The following USP47 variants were observed in gnomAD, a reference collection of about 807,000 sequenced individuals.
USP47 encodes ubiquitin specific peptidase 47.
Under a neutral mutation model 165.1 loss-of-function variants are expected in USP47, and 35 were observed. The observed-to-expected ratio is 0.21, with a 90% CI of 0.16 to 0.28. USP47 has a LOEUF of 0.28. Among genes scored for constraint, USP47 ranks in the 10% least tolerant of loss-of-function variants. The pLI is 1.00. For synonymous variants in USP47, 531 were observed against 544.5 expected (o/e 0.98, Z 0.35); for missense variants, 1,277 against 1,607.4 (o/e 0.79, Z 3.52).
chr11:11,922,426 A>C (rs560879753), intron 10 of USP47, among the ~76,000 whole-genome samples: 1 of 152,080 alleles, frequency 6.6e-6, no homozygotes, highest in South Asian at 2.1e-4. Context: ...AAGAAATGAT[A>C]ATTTCAACCA....
chr11:11,877,805 CTGTGTGTGTGTGTGTGTGTGTGTGTGTG>C (rs10577564), intron 1 of USP47, among the ~76,000 whole-genome samples: 4 of 71,118 alleles, frequency 5.6e-5, no homozygotes, highest in Non-Finnish European at 8.9e-5. Context: ...CTCTCTCTCT[CTGTGTGTGTGTGTGTGTGTGTGTGTGTG>C]TGTGTGTGTG....
chr11:11,932,958 G>A, intron 14 of USP47, 46 bp from the exon 15 acceptor site: 2 of 1,446,644 alleles, frequency 1.4e-6, no homozygotes, highest in South Asian at 1.2e-5. Context: ...AATAAAGGCA[G>A]CTCAGTTTCA....
intron 3 of USP47, among the ~76,000 whole-genome samples, chr11:11,891,654 A>G (rs1359793593): frequency 6.6e-6 from 1 of 152,214 alleles, no homozygotes. Flanking sequence ...GTAGGAAACT[A>G]TCCATCTCAC....
intron 5 of USP47, among the ~76,000 whole-genome samples, chr11:11,900,353 G>C (rs201967978): frequency 6.6e-6 from 1 of 151,724 alleles, no homozygotes; most frequent in Non-Finnish European, 1.5e-5. Flanking sequence ...GTAGAGATGG[G>C]GTTTCACCGT....
chr11:11,944,019 G>A (rs1419518716), intron 20 of USP47, among the ~76,000 whole-genome samples: 1 of 151,632 alleles, frequency 6.6e-6, no homozygotes, highest in Non-Finnish European at 1.5e-5. Flanking sequence ...GCTCATAGAG[G>A]ATGAATGACT....
rs1479373989 is a variant in USP47, at chr11:11,961,834, T to A, written c.*5659T>A. Among the ~76,000 whole-genome samples the A allele has an allele frequency of 1.3e-5, 2 of 152,210 alleles. No individual in the cohort carries two copies. Among genetic ancestry groups the A allele is most frequent in the Non-Finnish European group, 2.9e-5 (2 of 68,032 alleles). ...GCCATGGCTTGGCAGGAACTCTGGC[T>A]TTGGGAGAGAGCAGCAGCAAGGTAT... On this transcript the variant is annotated 3_prime_UTR_variant, in exon 28 of 28. Transcript: ENST00000527733.
intron 8 of USP47, among the ~76,000 whole-genome samples, chr11:11,915,513 G>A (rs1213305152): frequency 6.6e-6 from 1 of 152,102 alleles, no homozygotes; most frequent in Non-Finnish European, 1.5e-5. Context: ...CACTAAAGCT[G>A]GGAAAATCTG....
intron 6 of USP47, 128 bp from the exon 7 acceptor site, chr11:11,903,135 T>C (rs1372878858): frequency 6.6e-6 from 6 of 909,142 alleles, no homozygotes; most frequent in Non-Finnish European, 9.7e-6. Flanking sequence ...TATATTCTTA[T>C]GTTCTTTTTT....
chr11:11,936,587 A>G (rs1472078826), intron 17 of USP47, 77 bp downstream of exon 17: 17 of 1,211,764 alleles, frequency 1.4e-5, no homozygotes, highest in Non-Finnish European at 1.9e-5. Flanking sequence ...TATTGTAGAA[A>G]TGAACATAAT....
intron 1 of USP47, among the ~76,000 whole-genome samples, chr11:11,844,171 T>C (rs982037663): frequency 3.0e-4 from 46 of 152,214 alleles, no homozygotes; most frequent in African/African-American, 1.1e-3. Context: ...TCTTTGACTT[T>C]TTTTTTCTTG....
intron 1 of USP47, among the ~76,000 whole-genome samples, chr11:11,848,760 C>T (rs979629902): frequency 2.8e-4 from 42 of 152,156 alleles, no homozygotes; most frequent in African/African-American, 1.0e-3. Context: ...CAGACGCGCG[C>T]CACCACACCT....
intron 14 of USP47, among the ~76,000 whole-genome samples, chr11:11,932,069 A>G (rs1400689562): frequency 2.0e-5 from 3 of 152,196 alleles, no homozygotes; most frequent in African/African-American, 7.2e-5. Context: ...AGGAAGCATG[A>G]TGCTAGCATC....
chr11:11,846,896 A>T (rs577981058), intron 1 of USP47, among the ~76,000 whole-genome samples: 1 of 152,060 alleles, frequency 6.6e-6, no homozygotes, highest in Non-Finnish European at 1.5e-5. Flanking sequence ...GCTTTTTCTT[A>T]AATTTCAGAT....
intron 5 of USP47, among the ~76,000 whole-genome samples, chr11:11,901,385 AAT>A (rs1852219607): frequency 6.6e-6 from 1 of 152,164 alleles, no homozygotes; most frequent in Non-Finnish European, 1.5e-5. Flanking sequence ...GTTGTTACTT[AAT>A]ATTTTGTCTT....
Position 11,842,099 on chromosome 11 carries a change from G to T in USP47, c.-87G>T. 6.7e-7 allele frequency: 1 copy of T among 1,486,652 alleles called. No homozygotes were observed. Among genetic ancestry groups the T allele is most frequent in the Non-Finnish European group, 9.1e-7 (1 of 1,098,080 alleles). The allele number at this position is 1,486,652 out of a possible 1,614,324, so 92.1% of individuals were successfully genotyped here. ...AGCGCAGGCGGCGGAGAGGATGACT[G>T]CCGCTGCCATTCTCTCTTGAGCTAG... On this transcript the variant is annotated 5_prime_UTR_variant, in exon 1 of 28. Coordinates refer to ENST00000527733, the MANE Select transcript of USP47 (RefSeq NM_001282659.2).
intron 8 of USP47, among the ~76,000 whole-genome samples, chr11:11,912,742 T>A (rs989887965): frequency 2.6e-5 from 4 of 152,072 alleles, no homozygotes; most frequent in Non-Finnish European, 5.9e-5. Flanking sequence ...ATCCCTTATA[T>A]GTGTAGTTGG....
intron 4 of USP47, among the ~76,000 whole-genome samples, chr11:11,897,360 G>A (rs978602685): frequency 1.3e-4 from 19 of 151,804 alleles, no homozygotes; most frequent in Non-Finnish European, 1.0e-4. Flanking sequence ...ATCTCCATGT[G>A]TACCTCTGGA....
intron 1 of USP47, among the ~76,000 whole-genome samples, chr11:11,877,466 T>G (rs72856360): frequency 0.14 from 20,786 of 152,174 alleles, 1,682 homozygotes; most frequent in Middle Eastern, 0.39. Context: ...AAGAGTAAAA[T>G]GTAATTTGCT....
At chr11:11,914,708 A>G (rs1202443701) in intron 8 of USP47, among the ~76,000 whole-genome samples, 1 of 152,234 alleles carries the variant, frequency 6.6e-6, no homozygotes, top group Non-Finnish European at 1.5e-5. Context: ...GGCAAAAGAC[A>G]TAACATTTCA....
Sources: gnomAD v4.1 joint callset for allele counts (sites outside exome capture counted in the v4.1 genomes callset) on GRCh38, gnomAD v4.1.1 for gene constraint, MANE v1.5 for transcripts, NCBI Gene and HGNC (gene_info 2026-07-23, HGNC 2026-07-21) for gene names.